DCC: variants seen among roughly 807,000 people sequenced by gnomAD.
DCC encodes the protein DCC netrin 1 receptor.
In DCC, 58 loss-of-function variants were observed where a neutral mutation model predicts 172.5. The observed-to-expected ratio is 0.34, with a 90% confidence interval of 0.27 to 0.42. DCC has a LOEUF of 0.42. Ranked by LOEUF, DCC falls within the 10% of genes least tolerant of loss-of-function variation. The probability of loss-of-function intolerance (pLI) is 1.00; values close to 1 mark genes in which losing one functional copy is unlikely to be tolerated. For synonymous variants in DCC, 709 were observed against 644.5 expected (o/e 1.10, Z -1.52); for missense variants, 1,740 against 1,791.0 (o/e 0.97, Z 0.51).
intron 7 of DCC, among the ~76,000 whole-genome samples, chr18:53,138,205 C>T (rs1483400724): frequency 3.3e-5 from 5 of 151,994 alleles, no homozygotes; most frequent in Admixed American, 6.6e-5. Context: ...CCTATTGTGT[C>T]GTCAGGGATG....
At chr18:52,495,857 G>T (rs1160807412) in intron 1 of DCC, among the ~76,000 whole-genome samples, 1 of 151,616 alleles carries the variant, frequency 6.6e-6, no homozygotes, top group African/African-American at 2.4e-5. Context: ...TGACATCAGG[G>T]AATTCTAACC....
chr18:52,456,264 T>A (rs1170122156), intron 1 of DCC, among the ~76,000 whole-genome samples: 1 of 152,202 alleles, frequency 6.6e-6, no homozygotes, highest in Non-Finnish European at 1.5e-5. Context: ...TTATTATTGC[T>A]ATTGTTACTA....
intron 2 of DCC, among the ~76,000 whole-genome samples, chr18:52,822,963 A>G (rs1458707261): frequency 6.6e-6 from 1 of 152,194 alleles, no homozygotes; most frequent in Non-Finnish European, 1.5e-5. Flanking sequence ...AAAACATGAG[A>G]AAATGAACTT....
At chr18:53,365,073 C>T (rs1599068937) in intron 15 of DCC, among the ~76,000 whole-genome samples, 1 of 151,926 alleles carries the variant, frequency 6.6e-6, no homozygotes, top group East Asian at 1.9e-4. Flanking sequence ...TATCCCTCCC[C>T]CCTCCTCCCA....
intron 15 of DCC, among the ~76,000 whole-genome samples, chr18:53,345,920 C>T (rs573259611): frequency 6.6e-6 from 1 of 151,870 alleles, no homozygotes; most frequent in Non-Finnish European, 1.5e-5. Flanking sequence ...TGTCAGATTG[C>T]TTTTTTGTGT....
intron 21 of DCC, chr18:53,416,611 TG>T (rs896351306): frequency 1.5e-5 from 3 of 204,932 alleles, no homozygotes; most frequent in Admixed American, 1.1e-4. Flanking sequence ...AAATCAAAGT[TG>T]GGTCACCTTT....
At chr18:53,198,984 C>G (rs2055493156) in intron 9 of DCC, among the ~76,000 whole-genome samples, 1 of 152,042 alleles carries the variant, frequency 6.6e-6, no homozygotes, top group Non-Finnish European at 1.5e-5. Flanking sequence ...AGTTCCTTGA[C>G]TGACATACTA....
chr18:52,994,125 A>G (rs2041441439), intron 5 of DCC, among the ~76,000 whole-genome samples: 1 of 152,122 alleles, frequency 6.6e-6, no homozygotes, highest in Non-Finnish European at 1.5e-5. Flanking sequence ...CTCTTACAAA[A>G]TGCTAAAATT....
chr18:52,386,823 C>A (rs895261561), intron 1 of DCC, among the ~76,000 whole-genome samples: 2 of 152,030 alleles, frequency 1.3e-5, no homozygotes, highest in African/African-American at 4.8e-5. Context: ...CATTACACAA[C>A]ATGTATCATA....
chr18:53,073,562 A>G (rs2042684542), intron 7 of DCC, among the ~76,000 whole-genome samples: 1 of 152,196 alleles, frequency 6.6e-6, no homozygotes, highest in Admixed American at 6.5e-5. Context: ...GAATAAAAAA[A>G]TAAATGCTGG....
chr18:53,203,442 T>C (rs963898851), intron 9 of DCC, among the ~76,000 whole-genome samples: 2 of 151,824 alleles, frequency 1.3e-5, no homozygotes, highest in African/African-American at 4.9e-5. Context: ...GATAAAAAAA[T>C]ACAGTGTTAA....
chr18:53,066,501 T>C (rs2042573176), intron 7 of DCC, among the ~76,000 whole-genome samples: 1 of 149,190 alleles, frequency 6.7e-6, no homozygotes, highest in Admixed American at 6.8e-5. Flanking sequence ...TTCAAGGCAA[T>C]AACCACTAAA....
intron 1 of DCC, among the ~76,000 whole-genome samples, chr18:52,393,473 A>G (rs1986105886): frequency 6.6e-6 from 1 of 151,992 alleles, no homozygotes; most frequent in South Asian, 2.1e-4. Flanking sequence ...TAATCTCTAT[A>G]TTATTTATAT....
Position 52,366,379 on chromosome 18 carries a change from T to A in DCC, c.91+25501T>A, listed in dbSNP as rs1277918462. ...CAAGGGGACCCGAGCGGGTTGCCAATGCTGGCTCGGGCAGCCTGTTTTTAT... is the reference window on the plus strand; with the variant it reads ...CAAGGGGACCCGAGCGGGTTGCCAAAGCTGGCTCGGGCAGCCTGTTTTTAT... On this transcript the variant is annotated intron_variant, in intron 1 of 28. Transcript: ENST00000442544. Among the ~76,000 whole-genome samples the A allele has an allele frequency of 5.3e-5, 8 of 152,306 alleles. No individual in the cohort carries two copies. The East Asian group carries it at 1.2e-3, about 22-fold the overall frequency.
At chr18:52,831,402 C>T (rs935203268) in intron 2 of DCC, among the ~76,000 whole-genome samples, 25 of 152,014 alleles carry the variant, frequency 1.6e-4, no homozygotes, top group African/African-American at 5.8e-4. Flanking sequence ...TGCTGTGTTG[C>T]GCTGGAATAT....
chr18:52,818,586 A>C (rs528012834), intron 2 of DCC, among the ~76,000 whole-genome samples: 5 of 151,858 alleles, frequency 3.3e-5, no homozygotes, highest in African/African-American at 7.2e-5. Context: ...TGGGATACTA[A>C]AAGATATAAA....
intron 8 of DCC, among the ~76,000 whole-genome samples, chr18:53,178,604 C>T (rs1204358516): frequency 6.6e-6 from 1 of 152,184 alleles, no homozygotes. Flanking sequence ...CGGATGTTTA[C>T]AAAACTCGTC....
intron 1 of DCC, among the ~76,000 whole-genome samples, chr18:52,491,778 T>C (rs9945045): frequency 4.8e-4 from 73 of 152,164 alleles, no homozygotes; most frequent in African/African-American, 1.6e-3. Context: ...GAAGTTTACT[T>C]GAGTAGCTGG....
At chr18:53,470,564 A>G (rs886722379) in intron 25 of DCC, among the ~76,000 whole-genome samples, 3 of 152,154 alleles carry the variant, frequency 2.0e-5, no homozygotes, top group African/African-American at 7.2e-5. Context: ...GTCCGTTTTC[A>G]CACTGCTATA....
Sources: allele counts gnomAD v4.1 joint callset (sites outside exome capture counted in the v4.1 genomes callset), GRCh38; gene constraint gnomAD v4.1.1; transcripts MANE v1.5; gene names NCBI Gene and HGNC (gene_info 2026-07-23, HGNC 2026-07-21).